NUDT21: variants seen among roughly 807,000 people sequenced by gnomAD.
NUDT21 encodes the protein nudix hydrolase 21, also known as cleavage and polyadenylation specificity factor subunit 5.
A neutral mutation model predicts 29.8 loss-of-function variants in NUDT21; 5 were observed. The observed-to-expected ratio is 0.17, with a 90% CI of 0.09 to 0.35. NUDT21 has a LOEUF of 0.35. Among genes scored for constraint, NUDT21 ranks in the 10% least tolerant of loss-of-function variants. The pLI, the probability that NUDT21 is intolerant of heterozygous loss-of-function variation, is 1.00. For missense variants in NUDT21, 76 were observed against 276.0 expected, an observed-to-expected ratio of 0.28 and a Z score of 5.13; for synonymous variants, 113 against 98.5, an observed-to-expected ratio of 1.15 and a Z score of -0.87.
intron 4 of NUDT21, among the ~76,000 whole-genome samples, chr16:56,436,484 C>A (rs1962105433): frequency 6.6e-6 from 1 of 152,202 alleles, no homozygotes; most frequent in South Asian, 2.1e-4. Context: ...ATATCAGAGC[C>A]ATCCCTAGGG....
At chr16:56,445,506 A>T (rs1478611676) in intron 3 of NUDT21, among the ~76,000 whole-genome samples, 1 of 152,238 alleles carries the variant, frequency 6.6e-6, no homozygotes, top group Non-Finnish European at 1.5e-5. Context: ...TGTGCTATCA[A>T]ATAGCAGCTA....
At chr16:56,437,521 A>G (rs1301085397) in intron 4 of NUDT21, among the ~76,000 whole-genome samples, 2 of 152,182 alleles carry the variant, frequency 1.3e-5, no homozygotes, top group South Asian at 2.1e-4. Context: ...GCTATGTTTG[A>G]AAAGTATCAG....
chr16:56,447,841 GC>G lies in NUDT21; in HGVS notation c.264del (p.Glu88AspfsTer34), dbSNP rs1357175569. 1 of 1,613,984 alleles carries G rather than the reference GC, an allele frequency of 6.2e-7. No individual in the cohort carries two copies. The highest frequency in any genetic ancestry group is 1.3e-5 in the African/African-American group (1 of 74,902). On this transcript the variant is annotated frameshift_variant, in exon 2 of 7. Coordinates refer to ENST00000300291, the MANE Select transcript of NUDT21 (RefSeq NM_007006.3). LOFTEE classifies it high-confidence loss of function. ...RTVEGVLIVHEHRLPHVLLLQ... is the reference protein window; with the variant it reads ...RTVEGVLIVHXHRLPHVLLLQ... ...AGCAGTAACACATGGGGTAGCCGGT[GC>G]TCATGTACAATCAGAACCCCTTCTA...
At position 56,441,736 on chromosome 16, in the gene NUDT21, G is replaced by A. The variant is rs375840826; in HGVS notation, c.382-1990C>T. 3.9e-5 allele frequency among the ~76,000 whole-genome samples: 6 copies of A among 152,258 alleles called. No individual in the cohort carries two copies. In the East Asian group the frequency reaches 5.8e-4, roughly 15 times the overall value. On this transcript the variant is annotated intron_variant, in intron 3 of 6. Transcript: ENST00000300291. ...ACAACAGAGCAATGATTAGCAAACC[G>A]TATCTCCTTACTTGTTCAACTGTCC...
intron 1 of NUDT21, chr16:56,449,095 G>C (rs1962249728): frequency 6.6e-6 from 1 of 152,226 alleles, no homozygotes; most frequent in South Asian, 2.1e-4. Context: ...AGCAGCAGCA[G>C]ATATGCTACA....
chr16:56,442,480 T>C (rs2143940641), intron 3 of NUDT21, among the ~76,000 whole-genome samples: 1 of 152,382 alleles, frequency 6.6e-6, no homozygotes, highest in South Asian at 2.1e-4. Flanking sequence ...GGTAGTTTAA[T>C]GCAATTTCTG....
intron 4 of NUDT21, among the ~76,000 whole-genome samples, chr16:56,436,305 G>T (rs1361383374): frequency 6.6e-6 from 1 of 152,154 alleles, no homozygotes; most frequent in Non-Finnish European, 1.5e-5. Flanking sequence ...AATTTACACA[G>T]AATCACATGC....
At chr16:56,442,142 A>C (rs556888907) in intron 3 of NUDT21, among the ~76,000 whole-genome samples, 1 of 152,292 alleles carries the variant, frequency 6.6e-6, no homozygotes, top group Non-Finnish European at 1.5e-5. Flanking sequence ...TCAGCCTCCC[A>C]AAGTGCTGAA....
intron 3 of NUDT21, among the ~76,000 whole-genome samples, chr16:56,440,620 A>C (rs1962148363): frequency 6.6e-6 from 1 of 152,208 alleles, no homozygotes; most frequent in African/African-American, 2.4e-5. Context: ...AAAACTACAG[A>C]GGTAAAAGGG....
At position 56,451,297 on chromosome 16, in the gene NUDT21, C is replaced by T. The variant is rs1222477367; in HGVS notation, c.-95G>A. The T allele has an allele frequency of 1.0e-6, 1 of 958,666 alleles. No homozygotes were observed. The highest frequency in any genetic ancestry group is 1.6e-6 in the Non-Finnish European group (1 of 638,956). 59.4% of individuals were successfully genotyped at this position (958,666 alleles called of 1,614,324 possible). On this transcript the variant is annotated 5_prime_UTR_variant, in exon 1 of 7. Coordinates refer to ENST00000300291, the MANE Select transcript of NUDT21 (RefSeq NM_007006.3). ...CGGTTATCTGCAATCCCCTCAGCGG[C>T]TACTGCCCGCCATTAACAGGACAGC...
intron 3 of NUDT21, among the ~76,000 whole-genome samples, chr16:56,446,161 G>A (rs1297845477): frequency 3.9e-5 from 6 of 152,294 alleles, no homozygotes. Context: ...TTTGGGCAAA[G>A]TCTAAAAAAT....
chr16:56,438,542 C>A lies in NUDT21; in HGVS notation c.471+1115G>T, dbSNP rs55873146. Among the ~76,000 whole-genome samples the A allele has an allele frequency of 1.6e-3, 249 of 152,292 alleles. 2 individuals carry two copies. Among genetic ancestry groups the A allele is most frequent in the Middle Eastern group, 6.8e-3 (2 of 294 alleles). The stretch of plus-strand genomic sequence containing the variant: ...CTTCATGACAGAGCCTAAGCCAGAA[C>A]CACCCTAAGCAACTCCCAGAGGCCT... On this transcript the variant is annotated intron_variant, in intron 4 of 6. Coordinates refer to ENST00000300291, the MANE Select transcript of NUDT21 (RefSeq NM_007006.3).
intron 1 of NUDT21, 67 bp downstream of exon 1, chr16:56,451,020 G>A: frequency 1.5e-6 from 2 of 1,356,620 alleles, no homozygotes; most frequent in South Asian, 1.2e-5. Context: ...GAAAAGCCGG[G>A]GGCGCGTCGG....
chr16:56,433,890 T>C (rs1182405014), intron 6 of NUDT21, among the ~76,000 whole-genome samples: 1 of 152,184 alleles, frequency 6.6e-6, no homozygotes, highest in Non-Finnish European at 1.5e-5. Flanking sequence ...TTTCACCATC[T>C]TGGCCAGACT....
intron 3 of NUDT21, 90 bp from the exon 4 acceptor site, chr16:56,439,836 C>A: frequency 1.1e-6 from 1 of 951,426 alleles, no homozygotes; most frequent in African/African-American, 1.6e-5. Context: ...AGCAGTGCTC[C>A]TAATTGAAAC....
chr16:56,438,883 G>C (rs1259913153), intron 4 of NUDT21, among the ~76,000 whole-genome samples: 2 of 152,064 alleles, frequency 1.3e-5, no homozygotes, highest in African/African-American at 4.8e-5. Context: ...AAATAATCAG[G>C]ATACGCGAAC....
chr16:56,429,521 A>G lies in NUDT21; in HGVS notation c.*3191T>C, dbSNP rs1355315468. 7.9e-5 allele frequency: 12 copies of G among 152,256 alleles called. No homozygotes were observed. Among genetic ancestry groups the G allele is most frequent in the Admixed American group, 7.9e-4 (12 of 15,286 alleles). The allele number at this position is 152,256 out of a possible 1,614,324, so 9.4% of individuals were successfully genotyped here. A position where few individuals can be genotyped will look rare whatever the true frequency, so the allele number is the denominator to read the frequency against. ...TTCCACAAAAACAAGCTTAATAACTATAATACAAGCTAATATTAAAATGTG... is the reference window on the plus strand; with the variant it reads ...TTCCACAAAAACAAGCTTAATAACTGTAATACAAGCTAATATTAAAATGTG... On this transcript the variant is annotated 3_prime_UTR_variant, in exon 7 of 7. Transcript: ENST00000300291.
intron 3 of NUDT21, among the ~76,000 whole-genome samples, chr16:56,440,457 C>T (rs1962146679): frequency 6.6e-6 from 1 of 152,164 alleles, no homozygotes; most frequent in African/African-American, 2.4e-5. Flanking sequence ...TACCATATTA[C>T]ACTTAATCTT....
chr16:56,444,842 C>A (rs1027766077), intron 3 of NUDT21, among the ~76,000 whole-genome samples: 1 of 152,184 alleles, frequency 6.6e-6, no homozygotes, highest in African/African-American at 2.4e-5. Flanking sequence ...ACATCCCAAT[C>A]TGAAACTCCA....
Sources: gnomAD v4.1 joint callset for allele counts (sites outside exome capture counted in the v4.1 genomes callset) on GRCh38, gnomAD v4.1.1 for gene constraint, MANE v1.5 for transcripts, NCBI Gene and HGNC (gene_info 2026-07-23, HGNC 2026-07-21) for gene names.